NME2: variants seen among roughly 807,000 people sequenced by gnomAD.
NME2 encodes NME/NM23 nucleoside diphosphate kinase 2.
A neutral mutation model predicts 17.8 loss-of-function variants in NME2; 18 were observed. That is an observed-to-expected ratio of 1.01 (90% confidence interval 0.70 to 1.50). NME2 has a LOEUF of 1.50. NME2 is among the 40% of genes most tolerant of loss of function. The pLI is 0.00. For synonymous variants in NME2, 74 were observed against 71.4 expected (o/e 1.04, Z -0.19); for missense variants, 161 against 195.6 (o/e 0.82, Z 1.05).
At chr17:51,166,269 C>A, upstream of NME2, 1 of 152,488 alleles carries the variant, frequency 6.6e-6, no homozygotes, top group Non-Finnish European at 1.5e-5. Flanking sequence ...CCGTCTCGAT[C>A]TCTGCCTGGC....
chr17:51,171,688 C>A lies in NME2; in HGVS notation c.*84C>A. On this transcript the variant is annotated 3_prime_UTR_variant, in exon 5 of 5. Transcript: ENST00000512737. ...CTTCATTCCATTGACTTAGAGGCAACAGGATTGATCATTCTTTTATAGAGC... is the reference window on the plus strand; with the variant it reads ...CTTCATTCCATTGACTTAGAGGCAAAAGGATTGATCATTCTTTTATAGAGC... 2.0e-6 allele frequency: 2 copies of A among 990,104 alleles called. No individual in the cohort carries two copies. The highest frequency in any genetic ancestry group is 3.1e-6 in the Non-Finnish European group (2 of 641,416). 61.3% of individuals were successfully genotyped at this position (990,104 alleles called of 1,614,324 possible).
chr17:51,171,443 T>C, intron 4 of NME2, 44 bp from the exon 5 acceptor site: 1 of 1,579,662 alleles, frequency 6.3e-7, no homozygotes, highest in African/African-American at 1.3e-5. Flanking sequence ...AAACAGACTT[T>C]TGCACTTTAA....
intron 4 of NME2, among the ~76,000 whole-genome samples, chr17:51,170,553 C>T (rs1050601670): frequency 1.3e-4 from 19 of 151,542 alleles, no homozygotes; most frequent in African/African-American, 3.4e-4. Flanking sequence ...TTTGGGAGGC[C>T]GAGATGGGTG....
Position 51,170,141 on chromosome 17 carries a change from CCTTTT to C in NME2, c.341+93_341+97del. ...ATCCTACTTTCAGAAGAATCTGTGC[CCTTTT>C]TTTTTTTTTTTTTTCTTGAGACGGA... On this transcript the variant is annotated intron_variant, in intron 4 of 4. Coordinates refer to ENST00000512737, the MANE Select transcript of NME2 (RefSeq NM_002512.4). 3 of 942,502 alleles carry C rather than the reference CCTTTT, an allele frequency of 3.2e-6. No individual in the cohort carries two copies. In the East Asian group the frequency reaches 9.6e-5, roughly 30 times the overall value. 58.4% of individuals were successfully genotyped at this position (942,502 alleles called of 1,614,324 possible).
intron 3 of NME2, chr17:51,169,460 TTGG>T (rs2050021139): frequency 6.9e-6 from 1 of 144,538 alleles, no homozygotes; most frequent in African/African-American, 2.7e-5. Flanking sequence ...AAAAAAAAAA[TTGG>T]AGAGAGTAAA....
Position 51,168,679 on chromosome 17 carries a change from A to G in NME2, c.228+336A>G, listed in dbSNP as rs1396395473. ...GAGCGAGACTCTGTCTCGACAAAGA[A>G]AAAAGATATGGGAAGGACTTTTTCA... On this transcript the variant is annotated intron_variant, in intron 3 of 4. Transcript: ENST00000512737. Among the ~76,000 whole-genome samples the G allele has an allele frequency of 2.6e-5, 4 of 151,008 alleles. No individual in the cohort carries two copies. The East Asian group carries it at 7.8e-4, about 29-fold the overall frequency.
chr17:51,166,150 CT>C, upstream of NME2: 1 of 150,000 alleles, frequency 6.7e-6, no homozygotes, highest in East Asian at 2.0e-4. Context: ...TGTGTAGGAG[CT>C]TTTGGGGTCA....
intron 1 of NME2, 158 bp from the exon 2 acceptor site, chr17:51,166,669 G>GA: frequency 1.5e-6 from 1 of 669,930 alleles, no homozygotes; most frequent in Non-Finnish European, 2.1e-6. Context: ...GGGCTCCGCA[G>GA]AGGGACGCCG....
upstream of NME2, chr17:51,166,214 CAT>C (rs1424394651): frequency 2.0e-5 from 3 of 152,572 alleles, no homozygotes; most frequent in Non-Finnish European, 2.9e-5. Context: ...TAGTTGAACT[CAT>C]AGGACGTCCA....
chr17:51,169,916 A>C, intron 3 of NME2, 21 bp from the exon 4 acceptor site: 1 of 1,612,794 alleles, frequency 6.2e-7, no homozygotes, highest in Admixed American at 1.7e-5. Flanking sequence ...CTGATTATAA[A>C]TCCATTTTCA....
chr17:51,169,520 C>A, intron 3 of NME2: 1 of 158,510 alleles, frequency 6.3e-6, no homozygotes, highest in South Asian at 1.8e-4. Flanking sequence ...ATTTCCTGTT[C>A]ACCTTTTTCT....
rs1293283520 is a variant in NME2, at chr17:51,166,839, C to G, written c.9C>G (p.Asn3Lys). 2 of 1,612,696 alleles carry G rather than the reference C, an allele frequency of 1.2e-6. No homozygotes were observed. The highest frequency in any genetic ancestry group is 1.6e-4 in the Middle Eastern group (1 of 6,084). The change falls in exon 2 of 5, where the codon AAC (asparagine) becomes AAG (lysine). Residue 3 changes from asparagine (N) to lysine (K), a missense_variant. Physicochemically the swap from Asn to Lys is moderately conservative, Grantham distance 94. Transcript: ENST00000512737. The part of the protein sequence containing the change: MA[N>K]LERTFIAIKP... Reference sequence around the variant, plus strand: ...TCTCGCCCCGCAGGACCATGGCCAACCTGGAGCGCACCTTCATCGCCATCA... The same window carrying G: ...TCTCGCCCCGCAGGACCATGGCCAAGCTGGAGCGCACCTTCATCGCCATCA...
In NME2 at chr17:51,169,832, C is replaced by T. The variant is rs2050029366; in HGVS notation, c.229-105C>T. ...TGCTGGGGTTAGCTGATAATCATGT[C>T]ACTGATCGGTCTCATTGATGTGTCG... On this transcript the variant is annotated intron_variant, in intron 3 of 4. Transcript: ENST00000512737. 4.0e-6 allele frequency: 4 copies of T among 992,704 alleles called. No homozygotes were observed. The East Asian group carries it at 1.0e-4, about 25-fold the overall frequency. The allele number at this position is 992,704 out of a possible 1,614,324, so 61.5% of individuals were successfully genotyped here. A position where few individuals can be genotyped will look rare whatever the true frequency, so the allele number is the denominator to read the frequency against.
chr17:51,171,470 A>C lies in NME2; in HGVS notation c.342-17A>C, dbSNP rs2050067405. The C allele has an allele frequency of 6.2e-7, 1 of 1,609,684 alleles. No individual in the cohort carries two copies. The highest frequency in any genetic ancestry group is 1.1e-5 in the South Asian group (1 of 90,828). Reference sequence around the variant, plus strand: ...GCACTTTAAAACATGGCAACTTGTAATTGTTTTCTTTCTTAGGAACATCAT... The same window carrying C: ...GCACTTTAAAACATGGCAACTTGTACTTGTTTTCTTTCTTAGGAACATCAT... On this transcript the variant is annotated splice_polypyrimidine_tract_variant and intron_variant, in intron 4 of 4. Transcript: ENST00000512737.
At position 51,169,996 on chromosome 17, in the gene NME2, A is replaced by G; in HGVS notation, c.288A>G (p.Pro96=). 6.2e-7 allele frequency: 1 copy of G among 1,613,586 alleles called. No homozygotes were observed. The highest frequency in any genetic ancestry group is 8.5e-7 in the Non-Finnish European group (1 of 1,179,824). The change falls in exon 4 of 5, where the codon CCA becomes CCG. Residue 96 remains proline (P), a synonymous_variant. Transcript: ENST00000512737. Reference sequence around the variant, plus strand: ...GAGTGATGCTTGGGGAGACCAATCCAGCAGATTCAAAGCCAGGCACCATTC... The same window carrying G: ...GAGTGATGCTTGGGGAGACCAATCCGGCAGATTCAAAGCCAGGCACCATTC... ...TGRVMLGETN[P]ADSKPGTIRG...
chr17:51,169,969 C>A lies in NME2; in HGVS notation c.261C>A (p.Gly87=), dbSNP rs751049070. 1 of 1,613,348 alleles carries A rather than the reference C, an allele frequency of 6.2e-7. No homozygotes were observed. Among genetic ancestry groups the A allele is most frequent in the Admixed American group, 1.7e-5 (1 of 59,782 alleles). ...VWEGLNVVKT[G]RVMLGETNPA... is the part of the protein sequence containing the mutation. ...AGGGGCTGAACGTGGTGAAGACAGG[C>A]CGAGTGATGCTTGGGGAGACCAATC... is the stretch of plus-strand genomic sequence containing the variant. Residue 87 remains glycine, a synonymous_variant, in exon 4 of 5, where the codon GGC becomes GGA. Transcript: ENST00000512737.
intron 4 of NME2, 79 bp downstream of exon 4, chr17:51,170,128 G>T: frequency 2.0e-5 from 19 of 929,460 alleles, no homozygotes; most frequent in Non-Finnish European, 2.8e-5. Flanking sequence ...CCTACTTTCA[G>T]AAGAATCTGT....
chr17:51,167,107 C>T (rs2049960653), intron 2 of NME2, 151 bp downstream of exon 2: 4 of 1,492,796 alleles, frequency 2.7e-6, no homozygotes, highest in Non-Finnish European at 3.6e-6. Context: ...GGCTTGGGCC[C>T]GCCGACCCTT....
In NME2 at chr17:51,171,712, G is replaced by A. The variant is rs2050073653; in HGVS notation, c.*108G>A. ...ACAGGATTGATCATTCTTTTATAGA[G>A]CATATTTGCCAATAAAGCTTTTGGA... On this transcript the variant is annotated 3_prime_UTR_variant, in exon 5 of 5. Coordinates refer to ENST00000512737, the MANE Select transcript of NME2 (RefSeq NM_002512.4). The A allele has an allele frequency of 7.3e-6, 6 of 823,224 alleles. No individual in the cohort carries two copies. Among genetic ancestry groups the A allele is most frequent in the Non-Finnish European group, 9.8e-6 (5 of 511,538 alleles). 51.0% of individuals were successfully genotyped at this position (823,224 alleles called of 1,614,324 possible).
Sources: gnomAD v4.1 joint callset for allele counts (sites outside exome capture counted in the v4.1 genomes callset) on GRCh38, gnomAD v4.1.1 for gene constraint, MANE v1.5 for transcripts, NCBI Gene and HGNC (gene_info 2026-07-23, HGNC 2026-07-21) for gene names.